The following PRPSAP1 variants were observed in gnomAD, a reference collection of about 807,000 sequenced individuals.
The protein encoded by PRPSAP1 is phosphoribosyl pyrophosphate synthetase associated protein 1.
In PRPSAP1, 31 loss-of-function variants were observed where a neutral mutation model predicts 39.4. The ratio of observed to expected loss-of-function variants is 0.79; its 90% CI spans 0.59 to 1.06. The LOEUF is 1.06. Ranked by LOEUF, PRPSAP1 falls within the 50% of genes least tolerant of loss-of-function variation. The pLI is 0.00. For synonymous variants in PRPSAP1, 212 were observed against 192.6 expected (o/e 1.10, Z -0.83); for missense variants, 430 against 511.6 (o/e 0.84, Z 1.54).
chr17:76,348,731 A>T, intron 1 of PRPSAP1, 150 bp from the exon 2 acceptor site: 1 of 608,910 alleles, frequency 1.6e-6, no homozygotes, highest in Non-Finnish European at 2.7e-6. Flanking sequence ...TCATTAAACT[A>T]AAATTCTGCT....
intron 4 of PRPSAP1, among the ~76,000 whole-genome samples, chr17:76,331,007 C>G (rs2071315957): frequency 1.3e-5 from 2 of 152,048 alleles, no homozygotes; most frequent in African/African-American, 4.8e-5. Context: ...GCCTTGATTA[C>G]AGAATCTTAA....
intron 7 of PRPSAP1, among the ~76,000 whole-genome samples, chr17:76,320,937 C>T (rs966510745): frequency 9.2e-5 from 14 of 151,556 alleles, no homozygotes; most frequent in African/African-American, 3.4e-4. Flanking sequence ...GCATGCCACA[C>T]CTGGCTAATT....
chr17:76,326,051 C>T (rs1234416710), intron 7 of PRPSAP1, among the ~76,000 whole-genome samples: 1 of 152,140 alleles, frequency 6.6e-6, no homozygotes, highest in Non-Finnish European at 1.5e-5. Context: ...TCATGAGACT[C>T]ACTTTATTAT....
Position 76,344,536 on chromosome 17 carries a change from A to C in PRPSAP1, c.290+135T>G, listed in dbSNP as rs1052821079. On this transcript the variant is annotated intron_variant, in intron 3 of 9. Transcript: ENST00000446526. ...CACCTCGGCCTCCCAAAGTGTTGGC[A>C]TAACAGGCGTGAGCCACACGCCCGG... 5 of 762,264 alleles carry C rather than the reference A, an allele frequency of 6.6e-6. No homozygotes were observed. The Admixed American group carries it at 1.4e-4, about 21-fold the overall frequency. 47.2% of individuals were successfully genotyped at this position (762,264 alleles called of 1,614,324 possible).
chr17:76,351,298 C>G (rs940006043), intron 1 of PRPSAP1, among the ~76,000 whole-genome samples: 1 of 151,902 alleles, frequency 6.6e-6, no homozygotes, highest in Non-Finnish European at 1.5e-5. Flanking sequence ...GAGTGGATCA[C>G]GAGGTCAGGA....
intron 3 of PRPSAP1, among the ~76,000 whole-genome samples, chr17:76,336,191 A>G (rs2143514255): frequency 6.6e-6 from 1 of 152,338 alleles, no homozygotes; most frequent in South Asian, 2.1e-4. Flanking sequence ...TCACGCCAGT[A>G]ATCCGAGAGG....
chr17:76,338,595 C>T (rs1432330357), intron 3 of PRPSAP1, among the ~76,000 whole-genome samples: 1 of 151,924 alleles, frequency 6.6e-6, no homozygotes, highest in Admixed American at 6.6e-5. Context: ...CCCAGCTACT[C>T]AGGAAGCTGA....
At chr17:76,323,836 T>C (rs971979925) in intron 7 of PRPSAP1, among the ~76,000 whole-genome samples, 1 of 152,080 alleles carries the variant, frequency 6.6e-6, no homozygotes, top group Non-Finnish European at 1.5e-5. Flanking sequence ...TTGAGAACAG[T>C]GACTACAATT....
rs2071283676 is a variant in PRPSAP1 at position 76,328,822 on chromosome 17, C to T, written c.676G>A (p.Val226Ile). The T allele has an allele frequency of 6.2e-7, 1 of 1,614,086 alleles. No homozygotes were observed. The highest frequency in any genetic ancestry group is 8.5e-7 in the Non-Finnish European group (1 of 1,180,010). Residue 226 changes from valine (V) to isoleucine (I), a missense_variant, in exon 7 of 10, where the codon GTC (valine) becomes ATC (isoleucine). By Grantham distance (29) the Val-to-Ile change is conservative (BLOSUM62 3). This residue lies in a region of PRPSAP1 where 278 missense variants were observed against 376.3 expected (regional missense o/e 0.74). Coordinates refer to ENST00000446526, the MANE Select transcript of PRPSAP1 (RefSeq NM_002766.3). Reference sequence around the variant, plus strand: ...GTGCACTGAGCTTCCCCGTGAATGACGGCCAAACCCAGACGCAGTCTCTCC... The same window carrying T: ...GTGCACTGAGCTTCCCCGTGAATGATGGCCAAACCCAGACGCAGTCTCTCC... ...YAERLRLGLAVIHGEAQCTEL... is the reference protein window; with the variant it reads ...YAERLRLGLAIIHGEAQCTEL...
intron 3 of PRPSAP1, among the ~76,000 whole-genome samples, chr17:76,343,159 G>A (rs2071458390): frequency 6.6e-6 from 1 of 152,210 alleles, no homozygotes. Flanking sequence ...TTACTAATAT[G>A]GTCTGGGGAA....
chr17:76,353,636 C>T lies in PRPSAP1; in HGVS notation c.68G>A (p.Arg23His), dbSNP rs755730825. 5 of 1,538,118 alleles carry T rather than the reference C, an allele frequency of 3.3e-6. No homozygotes were observed. Among genetic ancestry groups the T allele is most frequent in the Non-Finnish European group, 4.4e-6 (5 of 1,148,228 alleles). ...ASSAFRVPRA[R>H]PVPPPAMNAA... ...GTTCATGGCCGGCGGGGGAACGGGG[C>T]GGGCGCGCGGGACGCGGAAAGCCGA... Residue 23 changes from arginine to histidine, a missense_variant, in exon 1 of 10, where the codon CGC becomes CAC. Physicochemically the swap from Arg to His is conservative, Grantham distance 29. Transcript: ENST00000446526.
intron 3 of PRPSAP1, among the ~76,000 whole-genome samples, chr17:76,335,524 T>C (rs2071368547): frequency 1.3e-5 from 2 of 152,002 alleles, no homozygotes; most frequent in South Asian, 4.2e-4. Flanking sequence ...CCCAGCTAAT[T>C]TTTGTATTTT....
intron 6 of PRPSAP1, among the ~76,000 whole-genome samples, chr17:76,329,391 C>T (rs1433780701): frequency 6.6e-6 from 1 of 152,144 alleles, no homozygotes; most frequent in Non-Finnish European, 1.5e-5. Context: ...TGATTCTATC[C>T]TTTGTCCAAT....
intron 9 of PRPSAP1, among the ~76,000 whole-genome samples, chr17:76,312,556 G>C (rs1371118383): frequency 6.6e-6 from 1 of 152,066 alleles, no homozygotes; most frequent in Non-Finnish European, 1.5e-5. Context: ...AATCATCTAG[G>C]GCAAAGGCTT....
intron 1 of PRPSAP1, among the ~76,000 whole-genome samples, chr17:76,350,387 A>C (rs1267250288): frequency 6.6e-6 from 1 of 150,900 alleles, no homozygotes; most frequent in Non-Finnish European, 1.5e-5. Flanking sequence ...TACAGTGAGC[A>C]GAGATCGTGC....
intron 7 of PRPSAP1, among the ~76,000 whole-genome samples, chr17:76,316,181 AAAAAAAAAAAG>A (rs1485224638): frequency 1.6e-4 from 24 of 147,458 alleles, no homozygotes; most frequent in African/African-American, 4.7e-4. Flanking sequence ...GTCTAAAAAA[AAAAAAAAAAAG>A]AAAAAAAAAA....
chr17:76,341,437 A>C (rs989505837), intron 3 of PRPSAP1, among the ~76,000 whole-genome samples: 2 of 152,018 alleles, frequency 1.3e-5, no homozygotes, highest in Non-Finnish European at 2.9e-5. Context: ...ATGGAGTCTC[A>C]CTATGTTGCC....
chr17:76,339,093 G>C (rs1283290865), intron 3 of PRPSAP1, among the ~76,000 whole-genome samples: 1 of 151,678 alleles, frequency 6.6e-6, no homozygotes, highest in Non-Finnish European at 1.5e-5. Flanking sequence ...AAAGTATCCA[G>C]TACTCAAGCA....
At chr17:76,323,298 C>T (rs1016472431) in intron 7 of PRPSAP1, among the ~76,000 whole-genome samples, 13 of 147,932 alleles carry the variant, frequency 8.8e-5, no homozygotes, top group South Asian at 2.2e-4. Context: ...GCCGAGATTG[C>T]GCCACTGCAC....
Sources: allele counts gnomAD v4.1 joint callset (sites outside exome capture counted in the v4.1 genomes callset), GRCh38; gene constraint gnomAD v4.1.1; regional missense constraint gnomAD v4.1.1; transcripts MANE v1.5; gene names NCBI Gene and HGNC (gene_info 2026-07-23, HGNC 2026-07-21).